The following TM2D1 variants were observed in gnomAD, a reference collection of about 807,000 sequenced individuals.
TM2D1 encodes the protein TM2 domain containing 1.
TM2D1 carries 15 observed loss-of-function variants against 28.4 expected under a neutral mutation model. That is an observed-to-expected ratio of 0.53 (90% confidence interval 0.35 to 0.81). TM2D1 has a LOEUF of 0.81. Ranked by LOEUF, TM2D1 falls within the 40% of genes least tolerant of loss-of-function variation. TM2D1 has a pLI of 0.01. For missense variants in TM2D1, 236 were observed against 254.9 expected (o/e 0.93, Z 0.50); for synonymous variants, 93 against 96.2 (o/e 0.97, Z 0.20).
chr1:61,696,128 T>C (rs898062014), intron 4 of TM2D1: 12 of 152,328 alleles, frequency 7.9e-5, no homozygotes, highest in African/African-American at 2.4e-4. Flanking sequence ...CCAAAGAAAA[T>C]TGTCTGCTGA....
intron 5 of TM2D1, chr1:61,683,844 T>C: frequency 5.0e-6 from 1 of 199,040 alleles, no homozygotes; most frequent in Non-Finnish European, 1.0e-5. Flanking sequence ...TTCTGCAGAG[T>C]GGCACTCTAA....
chr1:61,692,505 AAAGAG>A (rs1315793329), intron 5 of TM2D1, among the ~76,000 whole-genome samples: 4 of 152,012 alleles, frequency 2.6e-5, no homozygotes, highest in African/African-American at 7.2e-5. Flanking sequence ...AAAGAAAGAG[AAAGAG>A]AAAAGAAAGA....
intron 3 of TM2D1, among the ~76,000 whole-genome samples, chr1:61,703,282 TATG>T (rs201774249): frequency 0.022 from 3,290 of 147,748 alleles, 116 homozygotes; most frequent in African/African-American, 0.077. Context: ...ATATATTATA[TATG>T]AAGATGGTAA....
intron 2 of TM2D1, among the ~76,000 whole-genome samples, chr1:61,721,552 A>G (rs1644565242): frequency 7.1e-6 from 1 of 140,522 alleles, no homozygotes; most frequent in African/African-American, 3.2e-5. Context: ...AAAAAAAAAA[A>G]AAAAGAAAAA....
intron 4 of TM2D1, among the ~76,000 whole-genome samples, chr1:61,695,389 A>AG (rs1484864351): frequency 6.6e-6 from 1 of 150,848 alleles, no homozygotes; most frequent in Non-Finnish European, 1.5e-5. Flanking sequence ...CCAAGAGCTA[A>AG]GATGCTAAAA....
At position 61,723,758 on chromosome 1, in the gene TM2D1, C is replaced by A; in HGVS notation, c.193G>T (p.Asp65Tyr). 1.9e-6 allele frequency: 3 copies of A among 1,553,938 alleles called. No homozygotes were observed. The South Asian group carries it at 3.6e-5, about 19-fold the overall frequency. The change falls in exon 2 of 7, where the codon GAC (aspartate) becomes TAC (tyrosine). Residue 65 changes from aspartate to tyrosine, a missense_variant. Transcript: ENST00000606498. ...QYICKDPKIN[D>Y]ATQEPVNCTN... ...CAGTTAACTGGTTCTTGCGTAGCGT[C>A]ATTTATTTTTGGATCTTTACAAATA... is the stretch of plus-strand genomic sequence containing the variant.
chr1:61,723,375 CT>C (rs1644582003), intron 2 of TM2D1, among the ~76,000 whole-genome samples: 1 of 152,126 alleles, frequency 6.6e-6, no homozygotes, highest in South Asian at 2.1e-4. Context: ...AAAAGGAAGA[CT>C]TTCCATGTGA....
At chr1:61,701,083 AATT>A (rs2148048390) in intron 3 of TM2D1, 58 bp from the exon 4 acceptor site, 21 of 1,325,938 alleles carry the variant, frequency 1.6e-5, no homozygotes, top group South Asian at 1.3e-4. Context: ...TAGAAAAAAA[AATT>A]ATTAACTACT....
chr1:61,691,932 A>AAAATATATATATATATATATATAT, intron 5 of TM2D1, among the ~76,000 whole-genome samples: 1 of 76,402 alleles, frequency 1.3e-5, no homozygotes, highest in Non-Finnish European at 2.6e-5. Context: ...AAAAAAAAAA[A>AAAATATATATATATATATATATAT]ATATATATAT....
At chr1:61,682,912 A>G (rs930022092) in intron 6 of TM2D1, among the ~76,000 whole-genome samples, 2 of 150,580 alleles carry the variant, frequency 1.3e-5, no homozygotes, top group Non-Finnish European at 3.0e-5. Flanking sequence ...AAAAAAAAAG[A>G]AAAAGAAAAA....
intron 3 of TM2D1, among the ~76,000 whole-genome samples, chr1:61,704,215 T>C (rs543156785): frequency 6.6e-6 from 1 of 151,982 alleles, no homozygotes; most frequent in South Asian, 2.1e-4. Flanking sequence ...GGTCTAAAAC[T>C]GAATAGAATA....
At chr1:61,686,994 C>G in intron 5 of TM2D1, 1 of 984,470 alleles carries the variant, frequency 1.0e-6, no homozygotes, top group Non-Finnish European at 1.2e-6. Context: ...GTCCATTTGT[C>G]CATAGGCAAC....
At chr1:61,682,305 T>C (rs1408425804) in intron 6 of TM2D1, among the ~76,000 whole-genome samples, 1 of 152,180 alleles carries the variant, frequency 6.6e-6, no homozygotes, top group East Asian at 1.9e-4. Context: ...TCTGTGTCTA[T>C]GAAAGCTTCT....
intron 2 of TM2D1, among the ~76,000 whole-genome samples, chr1:61,710,493 TATACACACATACACACACAC>T (rs1644470819): frequency 1.9e-5 from 1 of 51,638 alleles, no homozygotes; most frequent in Admixed American, 2.7e-4. Flanking sequence ...CACACACACA[TATACACACATACACACACAC>T]ACACACACAC....
intron 2 of TM2D1, among the ~76,000 whole-genome samples, chr1:61,715,645 CAAAAAAAAAAAAAAAAAAAA>C (rs759796747): frequency 6.1e-5 from 1 of 16,424 alleles, no homozygotes; most frequent in Non-Finnish European, 1.3e-4. Context: ...AAGACTGTCT[CAAAAAAAAAAAAAAAAAAAA>C]AAAAAAAAAA....
intron 2 of TM2D1, among the ~76,000 whole-genome samples, chr1:61,718,372 C>G (rs932905813): frequency 1.8e-4 from 28 of 152,030 alleles, no homozygotes; most frequent in African/African-American, 4.8e-4. Flanking sequence ...GAGTTCTCCT[C>G]TGAGAGTGCT....
intron 6 of TM2D1, among the ~76,000 whole-genome samples, chr1:61,682,093 C>T (rs979106335): frequency 6.6e-6 from 1 of 152,110 alleles, no homozygotes; most frequent in Admixed American, 6.5e-5. Flanking sequence ...CAAGGCATAT[C>T]CATAATTTTA....
chr1:61,688,112 T>C (rs1644296219), intron 5 of TM2D1, among the ~76,000 whole-genome samples: 1 of 152,210 alleles, frequency 6.6e-6, no homozygotes, highest in Non-Finnish European at 1.5e-5. Flanking sequence ...GTATTAATCA[T>C]AAATGACCAA....
rs140356133 is a variant in TM2D1, at chr1:61,723,903, T to C, written c.165-117A>G. On this transcript the variant is annotated intron_variant, in intron 1 of 6. Coordinates refer to ENST00000606498, the MANE Select transcript of TM2D1 (RefSeq NM_032027.3). Reference sequence around the variant, plus strand: ...TCACATGTAAATAGAGGCTGCTAGTTTGTCCAAGTCAATAAGCATATGTAC... The same window carrying C: ...TCACATGTAAATAGAGGCTGCTAGTCTGTCCAAGTCAATAAGCATATGTAC... The C allele has an allele frequency of 2.5e-3, 1,242 of 493,192 alleles. 2 individuals are homozygous for C. The highest frequency in any genetic ancestry group is 3.3e-3 in the Non-Finnish European group (917 of 277,110). 30.6% of individuals were successfully genotyped at this position (493,192 alleles called of 1,614,324 possible). A position where few individuals can be genotyped will look rare whatever the true frequency, so the allele number is the denominator to read the frequency against.
Sources: allele counts gnomAD v4.1 joint callset (sites outside exome capture counted in the v4.1 genomes callset), GRCh38; gene constraint gnomAD v4.1.1; transcripts MANE v1.5; gene names NCBI Gene and HGNC (gene_info 2026-07-23, HGNC 2026-07-21).